CYTH3: variants seen among roughly 807,000 people sequenced by gnomAD.
The protein encoded by CYTH3 is cytohesin 3, also known as cytohesin-3.
A neutral mutation model predicts 55.1 loss-of-function variants in CYTH3; 23 were observed. That is an observed-to-expected ratio of 0.42 (90% confidence interval 0.30 to 0.59). CYTH3 has a LOEUF of 0.59. Ranked by LOEUF, CYTH3 falls within the 20% of genes least tolerant of loss-of-function variation. The pLI, the probability that CYTH3 is intolerant of heterozygous loss-of-function variation, is 0.20. For missense variants in CYTH3, 413 were observed against 524.8 expected (o/e 0.79, Z 2.08); for synonymous variants, 249 against 194.9 (o/e 1.28, Z -2.31).
chr7:6,235,288 CA>C (rs1272415233), intron 1 of CYTH3, among the ~76,000 whole-genome samples: 1 of 152,008 alleles, frequency 6.6e-6, no homozygotes, highest in Non-Finnish European at 1.5e-5. Context: ...ACAGCCTGGC[CA>C]AAGTGGTGAA....
At chr7:6,206,258 A>G (rs923180994) in intron 1 of CYTH3, among the ~76,000 whole-genome samples, 1 of 152,238 alleles carries the variant, frequency 6.6e-6, no homozygotes, top group East Asian at 1.9e-4. Context: ...TGTACAATGG[A>G]ATGTGATTCA....
At chr7:6,217,689 A>G (rs968765692) in intron 1 of CYTH3, among the ~76,000 whole-genome samples, 3 of 152,160 alleles carry the variant, frequency 2.0e-5, no homozygotes, top group Non-Finnish European at 2.9e-5. Context: ...ACCATCAACC[A>G]ACAAAGTCTC....
At chr7:6,183,366 C>A (rs1783554881) in intron 4 of CYTH3, among the ~76,000 whole-genome samples, 1 of 152,214 alleles carries the variant, frequency 6.6e-6, no homozygotes, top group African/African-American at 2.4e-5. Flanking sequence ...ACTGAGTGGA[C>A]CCCTGCTTGT....
At chr7:6,259,154 T>C (rs1780211939) in intron 1 of CYTH3, among the ~76,000 whole-genome samples, 2 of 152,228 alleles carry the variant, frequency 1.3e-5, no homozygotes, top group Non-Finnish European at 2.9e-5. Flanking sequence ...GCAGTAAGCC[T>C]GTGTCTGCAC....
chr7:6,227,509 C>T (rs949545031), intron 1 of CYTH3, among the ~76,000 whole-genome samples: 4 of 152,120 alleles, frequency 2.6e-5, no homozygotes. Context: ...AAGTGAAGGA[C>T]CTCTGGCAGA....
At chr7:6,172,837 C>A (rs2128538238) in intron 6 of CYTH3, 1 of 1,279,942 alleles carries the variant, frequency 7.8e-7, no homozygotes, top group Non-Finnish European at 1.0e-6. Context: ...GCGCACTGTT[C>A]AGCCCCAGGC....
At position 6,223,195 on chromosome 7, in the gene CYTH3, A is replaced by G. The variant is rs538925376; in HGVS notation, c.35-32664T>C. On this transcript the variant is annotated intron_variant, in intron 1 of 12. Coordinates refer to ENST00000350796, the MANE Select transcript of CYTH3 (RefSeq NM_004227.4). ...GGGGGCGCCTCTGCCCGGCCGCCCC[A>G]TCTGGGAGGTGAGGAGCGCCTCGGC... is the stretch of plus-strand genomic sequence containing the variant. Among the ~76,000 whole-genome samples the G allele has an allele frequency of 4.0e-4, 60 of 148,270 alleles. 2 individuals are homozygous for G. The South Asian group carries it at 0.012, about 29-fold the overall frequency.
intron 11 of CYTH3, 43 bp downstream of exon 11, chr7:6,165,502 C>T: frequency 3.7e-6 from 6 of 1,610,570 alleles, no homozygotes; most frequent in Non-Finnish European, 5.1e-6. Flanking sequence ...AGGATGGCTC[C>T]CAGGTGGCTG....
At chr7:6,185,435 G>A (rs1054279225) in intron 4 of CYTH3, among the ~76,000 whole-genome samples, 33 of 152,054 alleles carry the variant, frequency 2.2e-4, no homozygotes, top group African/African-American at 7.0e-4. Context: ...CTGGGCTCAC[G>A]CCTGTAATCC....
chr7:6,162,425 G>A lies in CYTH3; in HGVS notation c.*2519C>T, dbSNP rs10228155. 0.08 allele frequency: 12,210 copies of A among 152,340 alleles called. 657 individuals carry two copies. Among genetic ancestry groups the A allele is most frequent in the African/African-American group, 0.14 (5,982 of 41,518 alleles). The allele number at this position is 152,340 out of a possible 1,614,324, so 9.4% of individuals were successfully genotyped here. A position where few individuals can be genotyped will look rare whatever the true frequency, so the allele number is the denominator to read the frequency against. ...AAGCCCTGCGCTCAGACGTCAGGGT[G>A]GGGAGGAGGAGGACTGTGATTGTGA... On this transcript the variant is annotated 3_prime_UTR_variant, in exon 13 of 13. Coordinates refer to ENST00000350796, the MANE Select transcript of CYTH3 (RefSeq NM_004227.4).
intron 1 of CYTH3, among the ~76,000 whole-genome samples, chr7:6,259,587 G>T (rs1393053070): frequency 6.7e-6 from 1 of 149,406 alleles, no homozygotes; most frequent in East Asian, 2.0e-4. Context: ...AGAATCTCAT[G>T]TCTATTCTAT....
chr7:6,229,765 T>G (rs1409453127), intron 1 of CYTH3, among the ~76,000 whole-genome samples: 1 of 148,308 alleles, frequency 6.7e-6, no homozygotes, highest in Non-Finnish European at 1.5e-5. Flanking sequence ...TGCCATGAGC[T>G]GAGATCACAC....
intron 1 of CYTH3, among the ~76,000 whole-genome samples, chr7:6,238,527 C>CA (rs1232828136): frequency 6.6e-6 from 1 of 152,200 alleles, no homozygotes; most frequent in African/African-American, 2.4e-5. Context: ...CCTATACAAA[C>CA]AGGCAGGCAT....
chr7:6,223,944 T>A (rs1445644047), intron 1 of CYTH3, among the ~76,000 whole-genome samples: 1 of 146,706 alleles, frequency 6.8e-6, no homozygotes, highest in Non-Finnish European at 1.5e-5. Flanking sequence ...AGCAGTCAAA[T>A]CATACAACCC....
chr7:6,240,388 G>C (rs1279561962), intron 1 of CYTH3, among the ~76,000 whole-genome samples: 2 of 150,892 alleles, frequency 1.3e-5, no homozygotes, highest in East Asian at 1.9e-4. Context: ...AAGCAAGCAA[G>C]AATAACCAGG....
At chr7:6,264,216 C>A (rs1406457827) in intron 1 of CYTH3, among the ~76,000 whole-genome samples, 1 of 151,858 alleles carries the variant, frequency 6.6e-6, no homozygotes, top group Non-Finnish European at 1.5e-5. Flanking sequence ...CATTGCACTC[C>A]AGCCTGGGCA....
intron 1 of CYTH3, among the ~76,000 whole-genome samples, chr7:6,210,587 T>C (rs943098514): frequency 1.3e-5 from 2 of 152,250 alleles, no homozygotes; most frequent in East Asian, 1.9e-4. Context: ...TAATTTCCTA[T>C]ATCCATAGGT....
Position 6,163,779 on chromosome 7 carries a change from G to T in CYTH3, c.*1165C>A, listed in dbSNP as rs1258644887. 6.6e-6 allele frequency: 1 copy of T among 152,182 alleles called. No individual in the cohort carries two copies. Among genetic ancestry groups the T allele is most frequent in the Non-Finnish European group, 1.5e-5 (1 of 68,034 alleles). 9.4% of individuals were successfully genotyped at this position (152,182 alleles called of 1,614,324 possible). On this transcript the variant is annotated 3_prime_UTR_variant, in exon 13 of 13. Transcript: ENST00000350796. ...ACGGCGCACTACATGGGGTGAGACT[G>T]TTTTTAGTTAATTCTGTGTCTATTC...
chr7:6,178,407 C>G (rs148385446), intron 4 of CYTH3, among the ~76,000 whole-genome samples: 1 of 152,354 alleles, frequency 6.6e-6, no homozygotes, highest in African/African-American at 2.4e-5. Flanking sequence ...GAGGGAGTTT[C>G]CTGGCTGCCT....
Sources: allele counts gnomAD v4.1 joint callset (sites outside exome capture counted in the v4.1 genomes callset), GRCh38; gene constraint gnomAD v4.1.1; transcripts MANE v1.5; gene names NCBI Gene and HGNC (gene_info 2026-07-23, HGNC 2026-07-21).